Variants in TM2D1 observed in about 807,000 individuals in gnomAD.
The protein encoded by TM2D1 is TM2 domain-containing protein 1.
A neutral mutation model predicts 28.4 loss-of-function variants in TM2D1; 15 were observed. The observed-to-expected ratio is 0.53, with a 90% CI of 0.35 to 0.81. The LOEUF (loss-of-function observed/expected upper bound fraction) is 0.81, where lower values mean the gene tolerates loss of function less well. TM2D1 is among the 40% of genes least tolerant of loss of function. TM2D1 has a pLI of 0.01. For synonymous variants in TM2D1, 93 were observed against 96.2 expected (o/e 0.97, Z 0.20); for missense variants, 236 against 254.9 (o/e 0.93, Z 0.50).
intron 2 of TM2D1, among the ~76,000 whole-genome samples, chr1:61,720,879 C>T (rs1203992754): frequency 6.6e-6 from 1 of 151,978 alleles, no homozygotes; most frequent in Non-Finnish European, 1.5e-5. Context: ...CCCAAACTCC[C>T]CTCTGTAAAA....
At chr1:61,687,682 A>G (rs1644293504) in intron 5 of TM2D1, among the ~76,000 whole-genome samples, 1 of 150,242 alleles carries the variant, frequency 6.7e-6, no homozygotes, top group Admixed American at 6.8e-5. Flanking sequence ...ATAAATTTCA[A>G]ATGTAATGAA....
At chr1:61,716,540 AT>A (rs1413963681) in intron 2 of TM2D1, among the ~76,000 whole-genome samples, 1 of 144,284 alleles carries the variant, frequency 6.9e-6, no homozygotes, top group Non-Finnish European at 1.5e-5. Flanking sequence ...TATGTGTATA[AT>A]TTTATATATG....
chr1:61,694,784 TAA>T lies in TM2D1; in HGVS notation c.440-16_440-15del. ...ACTTTAACAAACCTAGAAAAGAAGG[TAA>T]AGTCATTTATAATCTGGAAGGTCTT... On this transcript the variant is annotated splice_polypyrimidine_tract_variant and intron_variant, in intron 4 of 6. Coordinates refer to ENST00000606498, the MANE Select transcript of TM2D1 (RefSeq NM_032027.3). 6.4e-7 allele frequency: 1 copy of T among 1,564,188 alleles called. No individual in the cohort carries two copies. Among genetic ancestry groups the T allele is most frequent in the Non-Finnish European group, 8.7e-7 (1 of 1,153,982 alleles).
chr1:61,708,250 C>T (rs747446958), intron 3 of TM2D1, among the ~76,000 whole-genome samples: 8 of 152,068 alleles, frequency 5.3e-5, no homozygotes, highest in Non-Finnish European at 1.0e-4. Context: ...GGTCTCCCTA[C>T]TTTGCCCAGG....
intron 5 of TM2D1, among the ~76,000 whole-genome samples, chr1:61,686,278 C>G (rs940963229): frequency 6.7e-6 from 1 of 148,266 alleles, no homozygotes; most frequent in Non-Finnish European, 1.5e-5. Flanking sequence ...TATGAACTAT[C>G]TGGTCACAGA....
intron 2 of TM2D1, among the ~76,000 whole-genome samples, chr1:61,717,669 G>A (rs893255120): frequency 7.2e-5 from 11 of 151,938 alleles, no homozygotes; most frequent in African/African-American, 1.9e-4. Flanking sequence ...GAAGTCCTGC[G>A]CTCAAGACAT....
chr1:61,715,007 A>C (rs567610438), intron 2 of TM2D1, among the ~76,000 whole-genome samples: 2 of 152,356 alleles, frequency 1.3e-5, no homozygotes, highest in Middle Eastern at 3.4e-3. Flanking sequence ...TACTCAGGAA[A>C]GACACCATAG....
At position 61,683,462 on chromosome 1, in the gene TM2D1, A is replaced by G. The variant is rs1359625104; in HGVS notation, c.598T>C (p.Phe200Leu). 6.7e-7 allele frequency: 1 copy of G among 1,488,866 alleles called. No individual in the cohort carries two copies. The highest frequency in any genetic ancestry group is 2.4e-5 in the East Asian group (1 of 41,526). The allele number at this position is 1,488,866 out of a possible 1,614,324, so 92.2% of individuals were successfully genotyped here. A position where few individuals can be genotyped will look rare whatever the true frequency, so the allele number is the denominator to read the frequency against. Residue 200 changes from phenylalanine (F) to leucine (L), a missense_variant, in exon 6 of 7, where the codon TTT becomes CTT. This residue lies in a region of TM2D1 where 64 missense variants were observed against 73.1 expected (regional missense o/e 0.88). Coordinates refer to ENST00000606498, the MANE Select transcript of TM2D1 (RefSeq NM_032027.3). The stretch of plus-strand genomic sequence containing the variant: ...TATGGATATAATTGCGTTTTTCTAA[A>G]TGTTTCATTAGTAATACTCAGTCTT... Reference protein sequence around the residue: ...LTRLSITNETFRKTQLYP With the variant: ...LTRLSITNETLRKTQLYP
chr1:61,692,256 T>A (rs1234229222), intron 5 of TM2D1, among the ~76,000 whole-genome samples: 1 of 151,818 alleles, frequency 6.6e-6, no homozygotes, highest in African/African-American at 2.4e-5. Flanking sequence ...CATAGCAACA[T>A]GTAAAGCTTA....
chr1:61,720,024 G>T (rs915123606), intron 2 of TM2D1, among the ~76,000 whole-genome samples: 1 of 152,168 alleles, frequency 6.6e-6, no homozygotes, highest in Non-Finnish European at 1.5e-5. Context: ...GCATTCACAG[G>T]TGTGTCGTTT....
At chr1:61,692,129 T>G (rs1042772464) in intron 5 of TM2D1, among the ~76,000 whole-genome samples, 5 of 151,432 alleles carry the variant, frequency 3.3e-5, no homozygotes, top group African/African-American at 1.2e-4. Flanking sequence ...GTATTCTATG[T>G]ATTATTTCAT....
rs942628571 is a variant in TM2D1 at position 61,723,715 on chromosome 1, T to C, written c.236A>G (p.His79Arg). 17 of 1,506,598 alleles carry C rather than the reference T, an allele frequency of 1.1e-5. No homozygotes were observed. Among genetic ancestry groups the C allele is most frequent in the South Asian group, 1.3e-5 (1 of 76,828 alleles). 93.3% of individuals were successfully genotyped at this position (1,506,598 alleles called of 1,614,324 possible). A position where few individuals can be genotyped will look rare whatever the true frequency, so the allele number is the denominator to read the frequency against. Residue 79 changes from histidine to arginine, a missense_variant and splice_region_variant, in exon 2 of 7, where the codon CAT becomes CGT. Around this residue, in one of 3 missense-constraint regions of TM2D1, gnomAD observed 167 missense variants for 162.7 expected, o/e 1.03. Coordinates refer to ENST00000606498, the MANE Select transcript of TM2D1 (RefSeq NM_032027.3). The stretch of plus-strand genomic sequence containing the variant: ...AGACATGTTTCTTGAAGTCTTACCA[T>C]GAGCTGTGTAGTTTGTACAGTTAAC... ...EPVNCTNYTA[H>R]VSCFPAPNIT... is the part of the protein sequence containing the mutation.
At chr1:61,690,246 C>T (rs1263732984) in intron 5 of TM2D1, among the ~76,000 whole-genome samples, 1 of 152,048 alleles carries the variant, frequency 6.6e-6, no homozygotes, top group African/African-American at 2.4e-5. Context: ...CATTTGAGGT[C>T]AGGAGTTCAA....
chr1:61,723,837 A>T (rs1336921236), intron 1 of TM2D1, 51 bp from the exon 2 acceptor site: 1 of 864,818 alleles, frequency 1.2e-6, no homozygotes, highest in East Asian at 2.7e-5. Context: ...ACAACACATT[A>T]TCATGCCTTT....
intron 2 of TM2D1, among the ~76,000 whole-genome samples, chr1:61,711,874 G>T (rs927449366): frequency 6.6e-6 from 1 of 151,976 alleles, no homozygotes; most frequent in Non-Finnish European, 1.5e-5. Context: ...CTATGTCACT[G>T]AAAGGAGATC....
intron 2 of TM2D1, among the ~76,000 whole-genome samples, chr1:61,722,575 G>T (rs1644575692): frequency 6.6e-6 from 1 of 152,052 alleles, no homozygotes; most frequent in Non-Finnish European, 1.5e-5. Context: ...CACCATGTTG[G>T]CCAGGCTGGT....
chr1:61,699,989 G>A, intron 4 of TM2D1: 3 of 736,532 alleles, frequency 4.1e-6, no homozygotes, highest in Non-Finnish European at 5.7e-6. Context: ...AAGAAATAAG[G>A]TTAGCTTTGC....
intron 2 of TM2D1, among the ~76,000 whole-genome samples, chr1:61,712,327 A>G (rs1396849863): frequency 6.6e-6 from 1 of 152,238 alleles, no homozygotes; most frequent in East Asian, 1.9e-4. Flanking sequence ...ATTTTTATAA[A>G]CTATATATGC....
intron 4 of TM2D1, chr1:61,697,563 C>T (rs1273322137): frequency 1.4e-5 from 2 of 143,648 alleles, no homozygotes; most frequent in Non-Finnish European, 3.1e-5. Flanking sequence ...AAATGACATA[C>T]AATGACCTAA....
Sources: gnomAD v4.1 joint callset for allele counts (sites outside exome capture counted in the v4.1 genomes callset) on GRCh38, gnomAD v4.1.1 for gene constraint, gnomAD v4.1.1 regional missense constraint, MANE v1.5 for transcripts, NCBI Gene and HGNC (gene_info 2026-07-23, HGNC 2026-07-21) for gene names.